Variants in FAM234B observed in about 807,000 individuals in gnomAD.
FAM234B encodes protein FAM234B.
FAM234B carries 33 observed loss-of-function variants against 69.3 expected under a neutral mutation model. That is an observed-to-expected ratio of 0.48 (90% CI 0.36 to 0.64). The LOEUF (loss-of-function observed/expected upper bound fraction) is 0.64. Among genes scored for constraint, FAM234B ranks in the 30% least tolerant of loss-of-function variants. The pLI is 0.00. For synonymous variants in FAM234B, 306 were observed against 306.9 expected (o/e 1.00, Z 0.03); for missense variants, 697 against 769.7 (o/e 0.91, Z 1.12).
At chr12:13,069,523 C>T (rs1261852709) in intron 9 of FAM234B, among the ~76,000 whole-genome samples, 1 of 152,158 alleles carries the variant, frequency 6.6e-6, no homozygotes, top group Admixed American at 6.5e-5. Context: ...CTACATAGCT[C>T]TACCATGCGG....
chr12:13,048,898 C>T (rs147983510), intron 1 of FAM234B, among the ~76,000 whole-genome samples: 35 of 152,268 alleles, frequency 2.3e-4, no homozygotes, highest in African/African-American at 7.0e-4. Context: ...GAGAACCAAG[C>T]GAAACAGGGT....
chr12:13,075,024 C>G lies in FAM234B; in HGVS notation c.1525-1002C>G, dbSNP rs1376301458. ...GTGCCTTAACAACTGCATGGCTGCACACTCATGTACCTGCCAAGTCTCAAG... is the reference window on the plus strand; with the variant it reads ...GTGCCTTAACAACTGCATGGCTGCAGACTCATGTACCTGCCAAGTCTCAAG... On this transcript the variant is annotated intron_variant, in intron 10 of 12. Coordinates refer to ENST00000197268, the MANE Select transcript of FAM234B (RefSeq NM_020853.2). Among the ~76,000 whole-genome samples the G allele has an allele frequency of 2.0e-5, 3 of 152,306 alleles. No homozygotes were observed. In the East Asian group the frequency reaches 5.8e-4, roughly 29 times the overall value.
intron 10 of FAM234B, among the ~76,000 whole-genome samples, chr12:13,074,021 A>G (rs969298331): frequency 6.6e-6 from 1 of 152,222 alleles, no homozygotes; most frequent in Non-Finnish European, 1.5e-5. Flanking sequence ...CACAAATTTG[A>G]TGCATGTTCT....
Position 13,066,692 on chromosome 12 carries a change from G to A in FAM234B, c.905G>A (p.Arg302Gln), listed in dbSNP as rs780811668. Reference protein sequence around the residue: ...VSGRTGNPVGRPVKYNIVGVG... With the variant: ...VSGRTGNPVGQPVKYNIVGVG... ...GGCCGGACCGGAAATCCAGTGGGTC[G>A]ACCTGTGAAGTACAACATCGTTGGA... is the stretch of plus-strand genomic sequence containing the variant. The change falls in exon 6 of 13, where the codon CGA becomes CAA. Residue 302 changes from arginine to glutamine, a missense_variant. Arg to Gln is a conservative substitution (Grantham distance 43). Around this residue, in one of 3 missense-constraint regions of FAM234B, gnomAD observed 380 missense variants for 447.1 expected, o/e 0.85. Transcript: ENST00000197268. 5 of 1,613,924 alleles carry A rather than the reference G, an allele frequency of 3.1e-6. No individual in the cohort carries two copies. Among genetic ancestry groups the A allele is most frequent in the South Asian group, 1.1e-5 (1 of 91,052 alleles).
intron 11 of FAM234B, 40 bp from the exon 12 acceptor site, chr12:13,079,749 T>C (rs774869981): frequency 3.2e-6 from 4 of 1,267,772 alleles, no homozygotes; most frequent in South Asian, 1.2e-5. Context: ...GTGGACGGTA[T>C]GTGTCCATGT....
At chr12:13,054,953 A>C (rs1281958634) in intron 1 of FAM234B, among the ~76,000 whole-genome samples, 1 of 152,236 alleles carries the variant, frequency 6.6e-6, no homozygotes, top group Non-Finnish European at 1.5e-5. Flanking sequence ...GTTTACTAAA[A>C]GATAGACTGA....
At position 13,080,906 on chromosome 12, in the gene FAM234B, A is replaced by G; in HGVS notation, c.*276A>G. ...GAAATGTGAATCTCTTAAGTATTTA[A>G]TTTTTTTGGTATGTCTAATTTATGA... is the stretch of plus-strand genomic sequence containing the variant. On this transcript the variant is annotated 3_prime_UTR_variant, in exon 13 of 13. Transcript: ENST00000197268. The G allele has an allele frequency of 2.7e-6, 1 of 372,670 alleles. No individual in the cohort carries two copies. Among genetic ancestry groups the G allele is most frequent in the Non-Finnish European group, 4.8e-6 (1 of 209,982 alleles). 23.1% of individuals were successfully genotyped at this position (372,670 alleles called of 1,614,324 possible).
intron 1 of FAM234B, among the ~76,000 whole-genome samples, chr12:13,046,177 C>A (rs765026552): frequency 2.1e-5 from 2 of 96,572 alleles, no homozygotes; most frequent in African/African-American, 1.0e-4. Flanking sequence ...ACCCTGAACG[C>A]GCCCGATCTC....
chr12:13,061,155 T>C lies in FAM234B; in HGVS notation c.533-420T>C, dbSNP rs554175128. Reference sequence around the variant, plus strand: ...GAGCATATCTTTTCCTCCTGGTTTTTTGTTCTTAACTACTTTTTCGCATTC... The same window carrying C: ...GAGCATATCTTTTCCTCCTGGTTTTCTGTTCTTAACTACTTTTTCGCATTC... On this transcript the variant is annotated intron_variant, in intron 3 of 12. Transcript: ENST00000197268. 2.6e-5 allele frequency among the ~76,000 whole-genome samples: 4 copies of C among 152,382 alleles called. No homozygotes were observed. The South Asian group carries it at 8.3e-4, about 32-fold the overall frequency.
intron 12 of FAM234B, 120 bp from the exon 13 acceptor site, chr12:13,080,505 A>G (rs866450634): frequency 2.6e-6 from 2 of 761,156 alleles, no homozygotes; most frequent in Non-Finnish European, 2.2e-6. Flanking sequence ...TTTACAGACT[A>G]TTGGAGCTAA....
At position 13,044,578 on chromosome 12, in the gene FAM234B, C is replaced by A; in HGVS notation, c.37+138C>A. 2 of 914,676 alleles carry A rather than the reference C, an allele frequency of 2.2e-6. No homozygotes were observed. Among genetic ancestry groups the A allele is most frequent in the Non-Finnish European group, 3.4e-6 (2 of 596,652 alleles). The allele number at this position is 914,676 out of a possible 1,614,324, so 56.7% of individuals were successfully genotyped here. On this transcript the variant is annotated intron_variant, in intron 1 of 12. Coordinates refer to ENST00000197268, the MANE Select transcript of FAM234B (RefSeq NM_020853.2). The surrounding 1 kb of genome is among the most constrained non-coding windows in gnomAD (Gnocchi z 5.6). ...CAGGCGCCCGGTGCCGAGGAGGGTGCAGTCCCTTGGGGCTGGGGTCTCTGT... is the reference window on the plus strand; with the variant it reads ...CAGGCGCCCGGTGCCGAGGAGGGTGAAGTCCCTTGGGGCTGGGGTCTCTGT...
chr12:13,068,396 G>T lies in FAM234B; in HGVS notation c.1235G>T (p.Arg412Leu). Residue 412 changes from arginine to leucine, a missense_variant, in exon 8 of 13, where the codon CGG (arginine) becomes CTG (leucine). Physicochemically the swap from Arg to Leu is moderately radical, Grantham distance 102. Transcript: ENST00000197268. Reference protein sequence around the residue: ...ITTRQSLVLLRGQNLTPYWAL... With the variant: ...ITTRQSLVLLLGQNLTPYWAL... ...ACCAGACAAAGCCTTGTGCTGCTTC[G>T]GGGGCAAAATCTGACACCTTACTGG... The T allele has an allele frequency of 6.2e-7, 1 of 1,614,144 alleles. No homozygotes were observed. The highest frequency in any genetic ancestry group is 8.5e-7 in the Non-Finnish European group (1 of 1,180,014).
intron 1 of FAM234B, among the ~76,000 whole-genome samples, chr12:13,052,054 T>C (rs994758969): frequency 1.3e-5 from 2 of 152,220 alleles, no homozygotes; most frequent in African/African-American, 4.8e-5. Context: ...TGATGTTTGA[T>C]TGTGAAGACT....
chr12:13,070,823 C>G (rs553567043), intron 9 of FAM234B, among the ~76,000 whole-genome samples: 1 of 152,178 alleles, frequency 6.6e-6, no homozygotes, highest in East Asian at 1.9e-4. Context: ...TTCTGAGTGA[C>G]TGCTGTGTTG....
At chr12:13,049,489 A>G (rs1035971900) in intron 1 of FAM234B, among the ~76,000 whole-genome samples, 5 of 152,244 alleles carry the variant, frequency 3.3e-5, no homozygotes, top group Non-Finnish European at 7.3e-5. Context: ...CTGAGATAAG[A>G]CATTAAAAGG....
At chr12:13,064,735 A>T (rs966549837) in intron 5 of FAM234B, among the ~76,000 whole-genome samples, 1 of 152,182 alleles carries the variant, frequency 6.6e-6, no homozygotes, top group African/African-American at 2.4e-5. Context: ...CAGCAGCTTC[A>T]TCCTTGTACT....
intron 5 of FAM234B, among the ~76,000 whole-genome samples, chr12:13,064,415 G>A (rs376201314): frequency 9.9e-5 from 15 of 152,274 alleles, no homozygotes; most frequent in African/African-American, 2.6e-4. Flanking sequence ...TTTTTAAGTC[G>A]TGATTGAATT....
Position 13,079,906 on chromosome 12 carries a change from T to G in FAM234B, c.1760T>G (p.Met587Arg), listed in dbSNP as rs536956087. Reference sequence around the variant, plus strand: ...AAGCTTAGTCTACGGTGGGCACTAATGGAGGGCCAGATGGCTCAGCTACAG... The same window carrying G: ...AAGCTTAGTCTACGGTGGGCACTAAGGGAGGGCCAGATGGCTCAGCTACAG... ...VSKLSLRWAL[M>R]EGQMAQLQES... The change falls in exon 12 of 13, where the codon ATG becomes AGG. Residue 587 changes from methionine to arginine, a missense_variant. By Grantham distance (91) the Met-to-Arg change is moderately conservative. This residue lies in a region of FAM234B where 313 missense variants were observed against 305.5 expected (regional missense o/e 1.02). Coordinates refer to ENST00000197268, the MANE Select transcript of FAM234B (RefSeq NM_020853.2). 3 of 1,614,110 alleles carry G rather than the reference T, an allele frequency of 1.9e-6. No individual in the cohort carries two copies. In the South Asian group the frequency reaches 3.3e-5, roughly 18 times the overall value.
intron 11 of FAM234B, among the ~76,000 whole-genome samples, chr12:13,077,902 C>G (rs1461480670): frequency 6.6e-6 from 1 of 152,202 alleles, no homozygotes; most frequent in East Asian, 1.9e-4. Context: ...AAAAGTATTC[C>G]TATTTCTCCA....
Sources: allele counts gnomAD v4.1 joint callset (sites outside exome capture counted in the v4.1 genomes callset), GRCh38; gene constraint gnomAD v4.1.1; regional missense constraint gnomAD v4.1.1; non-coding constraint Gnocchi (gnomAD v3.1); transcripts MANE v1.5; gene names NCBI Gene and HGNC (gene_info 2026-07-23, HGNC 2026-07-21).